Variants in RIPOR2 observed in about 807,000 individuals in gnomAD.
RIPOR2 encodes the protein RHO family interacting cell polarization regulator 2, also known as rho family-interacting cell polarization regulator 2.
RIPOR2 carries 39 observed loss-of-function variants against 114.5 expected under a neutral mutation model. The observed-to-expected ratio is 0.34, with a 90% confidence interval of 0.26 to 0.44. RIPOR2 has a LOEUF of 0.44. Among genes scored for constraint, RIPOR2 ranks in the 20% least tolerant of loss-of-function variants. The pLI is 1.00. For synonymous variants in RIPOR2, 445 were observed against 484.4 expected, an observed-to-expected ratio of 0.92 and a Z score of 1.07; for missense variants, 1,007 against 1,255.1, an observed-to-expected ratio of 0.80 and a Z score of 2.99.
At chr6:24,873,894 G>T in intron 2 of RIPOR2, 95 bp from the exon 3 acceptor site, 1 of 1,082,812 alleles carries the variant, frequency 9.2e-7, no homozygotes, top group Non-Finnish European at 1.3e-6. Context: ...TTGTTTTAGA[G>T]ACAAAGTCTT....
intron 1 of RIPOR2, among the ~76,000 whole-genome samples, chr6:24,943,242 C>CA (rs1206355891): frequency 1.7e-4 from 26 of 152,042 alleles, no homozygotes; most frequent in Non-Finnish European, 2.2e-4. Context: ...ATCGCAAGGA[C>CA]AAAAAATCAA....
At chr6:24,960,909 A>C (rs1187857167) in intron 1 of RIPOR2, among the ~76,000 whole-genome samples, 1 of 152,122 alleles carries the variant, frequency 6.6e-6, no homozygotes, top group Non-Finnish European at 1.5e-5. Flanking sequence ...GACTCTCCCC[A>C]GTCATACGAG....
intron 1 of RIPOR2, among the ~76,000 whole-genome samples, chr6:24,969,929 G>T (rs1003223743): frequency 3.3e-5 from 5 of 152,170 alleles, no homozygotes; most frequent in African/African-American, 1.2e-4. Flanking sequence ...GTTCACTGCT[G>T]TCTCCCCAGT....
chr6:25,023,991 G>A (rs1209921329), intron 1 of RIPOR2: 4 of 741,050 alleles, frequency 5.4e-6, no homozygotes, highest in African/African-American at 3.4e-5. Context: ...TAGGAATCCC[G>A]TGCTGCTTTG....
chr6:25,022,532 A>ATTTTTTTTT (rs10564019), intron 1 of RIPOR2, among the ~76,000 whole-genome samples: 9 of 40,946 alleles, frequency 2.2e-4, no homozygotes, highest in South Asian at 1.3e-3. Flanking sequence ...GGTACCTTCC[A>ATTTTTTTTT]TTTTTTTTTT....
intron 1 of RIPOR2, among the ~76,000 whole-genome samples, chr6:24,929,943 G>A (rs978748233): frequency 2.0e-5 from 3 of 152,154 alleles, no homozygotes; most frequent in Admixed American, 6.6e-5. Flanking sequence ...GGATATGGTG[G>A]TGCACACCTG....
intron 1 of RIPOR2, among the ~76,000 whole-genome samples, chr6:24,919,313 G>A (rs929254576): frequency 6.6e-5 from 10 of 152,194 alleles, no homozygotes; most frequent in Admixed American, 6.5e-4. Context: ...TCACGCCACC[G>A]AAGTGTAATC....
chr6:24,944,770 G>T (rs1474884839), intron 1 of RIPOR2, among the ~76,000 whole-genome samples: 2 of 151,978 alleles, frequency 1.3e-5, no homozygotes, highest in African/African-American at 2.4e-5. Flanking sequence ...ACAGTAGAAA[G>T]TCAAAAACAA....
Position 24,873,812 on chromosome 6 carries a change from C to T in RIPOR2, c.189-13G>A. On this transcript the variant is annotated splice_polypyrimidine_tract_variant and intron_variant, in intron 2 of 21. Transcript: ENST00000643898. ...GAAGGAGTTACACCTATGGAAAGAA[C>T]AGAAGAAATTGTGAGGATTGGGCAT... The T allele has an allele frequency of 6.3e-7, 1 of 1,591,372 alleles. No homozygotes were observed.
At chr6:24,818,680 A>G in intron 19 of RIPOR2, 55 bp from the exon 20 acceptor site, 1 of 1,119,576 alleles carries the variant, frequency 8.9e-7, no homozygotes, top group Middle Eastern at 2.0e-4. Context: ...GTAGTTTAAG[A>G]GGTATACCTC....
At chr6:24,933,647 G>T (rs968686796) in intron 1 of RIPOR2, among the ~76,000 whole-genome samples, 1 of 152,166 alleles carries the variant, frequency 6.6e-6, no homozygotes, top group Admixed American at 6.5e-5. Context: ...GAAGTGCAAC[G>T]CAAACATTAT....
At position 24,839,212 on chromosome 6, in the gene RIPOR2, A is replaced by G. The variant is rs752886903; in HGVS notation, c.1918T>C (p.Leu640=). 3.2e-6 allele frequency: 5 copies of G among 1,551,730 alleles called. No homozygotes were observed. In the African/African-American group the frequency reaches 4.1e-5, roughly 13 times the overall value. The part of the protein sequence containing the change: ...SSLSLTVESA[L]ESFDFLNTSD... ...GTGTTCAGGAAATCAAAGCTTTCTA[A>G]AGCACTTTCAACTGTGAGACTTAAA... Residue 640 remains leucine (L), a synonymous_variant, in exon 14 of 22, where the codon TTA becomes CTA. Coordinates refer to ENST00000643898, the MANE Select transcript of RIPOR2 (RefSeq NM_001286445.3).
At chr6:24,893,584 T>G (rs60053166) in intron 1 of RIPOR2, among the ~76,000 whole-genome samples, 5,673 of 152,260 alleles carry the variant, frequency 0.037, 288 homozygotes, top group African/African-American at 0.11. Flanking sequence ...CTATCCCACT[T>G]CAAAGCAAAC....
At chr6:24,834,137 G>A (rs115267557) in intron 15 of RIPOR2, among the ~76,000 whole-genome samples, 1 of 152,044 alleles carries the variant, frequency 6.6e-6, no homozygotes, top group South Asian at 2.1e-4. Flanking sequence ...CTCATGGTTT[G>A]TGAGACCTTT....
At chr6:24,977,941 A>T (rs935504205) in intron 1 of RIPOR2, among the ~76,000 whole-genome samples, 45 of 152,324 alleles carry the variant, frequency 3.0e-4, no homozygotes, top group African/African-American at 1.0e-3. Context: ...ATATAGGGAT[A>T]ACACAAGGGC....
chr6:25,005,738 T>TAG (rs1554130559), intron 1 of RIPOR2, among the ~76,000 whole-genome samples: 1 of 70,700 alleles, frequency 1.4e-5, no homozygotes, highest in Non-Finnish European at 3.3e-5. Flanking sequence ...TATATATATA[T>TAG]ATACATTTAC....
intron 1 of RIPOR2, among the ~76,000 whole-genome samples, chr6:24,912,242 AG>A (rs1679610634): frequency 6.6e-6 from 1 of 152,190 alleles, no homozygotes; most frequent in Admixed American, 6.5e-5. Flanking sequence ...AGCACAGAGC[AG>A]GCACTCCATA....
chr6:24,846,300 C>CTTTTTTTTTTTTTTTT, intron 12 of RIPOR2, among the ~76,000 whole-genome samples: 1 of 111,320 alleles, frequency 9.0e-6, no homozygotes, highest in Non-Finnish European at 1.9e-5. Flanking sequence ...TTTTCACCTG[C>CTTTTTTTTTTTTTTTT]CTTTTTTTTT....
intron 1 of RIPOR2, among the ~76,000 whole-genome samples, chr6:25,031,700 TA>T (rs1186683095): frequency 0.028 from 41 of 1,448 alleles, no homozygotes; most frequent in African/African-American, 0.042. Context: ...AGGTGGTAGT[TA>T]TATATATATA....
Sources: allele counts gnomAD v4.1 joint callset (sites outside exome capture counted in the v4.1 genomes callset), GRCh38; gene constraint gnomAD v4.1.1; transcripts MANE v1.5; gene names NCBI Gene and HGNC (gene_info 2026-07-23, HGNC 2026-07-21).